Variants in KCNQ1OT1 observed in about 807,000 individuals in gnomAD.
The protein encoded by KCNQ1OT1 is KCNQ1 antisense RNA 2 (non-protein coding).
At position 2,658,923 on chromosome 11, in the gene KCNQ1OT1, A is replaced by G; in HGVS notation, n.41072T>C. 2 of 398,564 alleles carry G rather than the reference A, an allele frequency of 5.0e-6. No individual in the cohort carries two copies. The highest frequency in any genetic ancestry group is 4.4e-6 in the Non-Finnish European group (1 of 226,028). 24.7% of individuals were successfully genotyped at this position (398,564 alleles called of 1,614,324 possible). A position where few individuals can be genotyped will look rare whatever the true frequency, so the allele number is the denominator to read the frequency against. On this transcript the variant is annotated non_coding_transcript_exon_variant, in exon 1 of 1. Coordinates refer to ENST00000597346, the Ensembl canonical transcript of KCNQ1OT1. The surrounding 1 kb of genome is among the most constrained non-coding windows in gnomAD (Gnocchi z 4.9). ...GTAGTACCCTATGTGAAGCAAATTT[A>G]CCTACTAGATTAGAGTGTTTAGGAC... is the stretch of plus-strand genomic sequence containing the variant.
chr11:2,618,590 T>C (rs1849110131), exon 1 of KCNQ1OT1: 1 of 398,500 alleles, frequency 2.5e-6, no homozygotes, highest in South Asian at 1.3e-4. Context: ...ACCATACTGT[T>C]TGATCAATAG....
exon 1 of KCNQ1OT1, chr11:2,692,762 T>C (rs1288519733): frequency 8.3e-5 from 33 of 398,568 alleles, no homozygotes. Context: ...GGCCAGGGTC[T>C]AGTACCTGCT....
exon 1 of KCNQ1OT1, chr11:2,662,831 G>T: frequency 2.5e-6 from 1 of 398,854 alleles, no homozygotes. Context: ...CCTTCTGAGG[G>T]TCACTTGTGG....
exon 1 of KCNQ1OT1, chr11:2,655,025 C>T (rs1273045991): frequency 1.8e-5 from 7 of 398,476 alleles, no homozygotes; most frequent in South Asian, 1.3e-4. Context: ...TGAAAATCAC[C>T]CAAAGACAAA....
rs932633219 is a variant in KCNQ1OT1, at chr11:2,664,474, T to C, written n.35521A>G. ...GATACAGGCTGGGTAGAGGCCCCACTCCATCTGGGGGAGAAGGCTGGCAGC... is the reference window on the plus strand; with the variant it reads ...GATACAGGCTGGGTAGAGGCCCCACCCCATCTGGGGGAGAAGGCTGGCAGC... On this transcript the variant is annotated non_coding_transcript_exon_variant, in exon 1 of 1. Coordinates refer to ENST00000597346, the Ensembl canonical transcript of KCNQ1OT1. This position sits in a 1 kb window ranked among gnomAD's most constrained non-coding sequence, Gnocchi z 5.1. The C allele has an allele frequency of 5.0e-6, 2 of 398,540 alleles. No individual in the cohort carries two copies. The highest frequency in any genetic ancestry group is 8.8e-6 in the Non-Finnish European group (2 of 226,134). The allele number at this position is 398,540 out of a possible 1,614,324, so 24.7% of individuals were successfully genotyped here.
chr11:2,699,758 G>A (rs141406503), exon 1 of KCNQ1OT1: 37 of 358,844 alleles, frequency 1.0e-4, no homozygotes, highest in Non-Finnish European at 1.4e-4. Flanking sequence ...CCAGAAGAGC[G>A]CCGCGCTGAG....
Position 2,677,304 on chromosome 11 carries a change from A to G in KCNQ1OT1, n.22691T>C, listed in dbSNP as rs1046874778. The G allele has an allele frequency of 4.3e-5, 17 of 398,642 alleles. No individual in the cohort carries two copies. In the East Asian group the frequency reaches 6.1e-4, roughly 14 times the overall value. The allele number at this position is 398,642 out of a possible 1,614,324, so 24.7% of individuals were successfully genotyped here. On this transcript the variant is annotated non_coding_transcript_exon_variant, in exon 1 of 1. Coordinates refer to ENST00000597346, the Ensembl canonical transcript of KCNQ1OT1. This position sits in a 1 kb window ranked among gnomAD's most constrained non-coding sequence, Gnocchi z 4.5. Reference sequence around the variant, plus strand: ...CTTGTCAAAATAGGAGATTTCATCAAGTTAAAGAAAATGATGTCAAATGAT... The same window carrying G: ...CTTGTCAAAATAGGAGATTTCATCAGGTTAAAGAAAATGATGTCAAATGAT...
exon 1 of KCNQ1OT1, chr11:2,614,748 T>G: frequency 2.5e-6 from 1 of 398,480 alleles, no homozygotes. Context: ...CATCCTTGTG[T>G]CCTAGAGACC....
Position 2,627,331 on chromosome 11 carries a change from A to G in KCNQ1OT1, n.72664T>C. On this transcript the variant is annotated non_coding_transcript_exon_variant, in exon 1 of 1. Transcript: ENST00000597346. This position sits in a 1 kb window ranked among gnomAD's most constrained non-coding sequence, Gnocchi z 4.9. Reference sequence around the variant, plus strand: ...GTGCGTGTGTGTGGTCAGAATACCTAAGCTATACTCTCTTAGCAAATTCCA... The same window carrying G: ...GTGCGTGTGTGTGGTCAGAATACCTGAGCTATACTCTCTTAGCAAATTCCA... 1 of 398,538 alleles carries G rather than the reference A, an allele frequency of 2.5e-6. No homozygotes were observed. The highest frequency in any genetic ancestry group is 4.4e-6 in the Non-Finnish European group (1 of 226,046). 24.7% of individuals were successfully genotyped at this position (398,538 alleles called of 1,614,324 possible). A position where few individuals can be genotyped will look rare whatever the true frequency, so the allele number is the denominator to read the frequency against.
chr11:2,696,309 A>T (rs1850675386), exon 1 of KCNQ1OT1: 5 of 398,582 alleles, frequency 1.3e-5, no homozygotes, highest in African/African-American at 2.1e-5. Flanking sequence ...AGGAATCCAT[A>T]TTCCTATTCC....
exon 1 of KCNQ1OT1, chr11:2,655,062 A>G (rs1041741700): frequency 1.0e-5 from 4 of 398,540 alleles, no homozygotes; most frequent in African/African-American, 8.2e-5. Flanking sequence ...GTTTCCTTCT[A>G]GTCTTTTTTC....
exon 1 of KCNQ1OT1, chr11:2,665,756 G>A (rs1206601497): frequency 1.3e-5 from 5 of 398,434 alleles, no homozygotes; most frequent in Non-Finnish European, 2.2e-5. Context: ...CAGGCATGGA[G>A]AAGCCCTAGG....
rs1316923739 is a variant in KCNQ1OT1, at chr11:2,608,797, T to C, written n.91198A>G. ...AGCCACTGCAGCTAGCCTCGTTTTT[T>C]TGCTTTAATTTGTAAAACTGTCATT... On this transcript the variant is annotated non_coding_transcript_exon_variant, in exon 1 of 1. Transcript: ENST00000597346. The surrounding 1 kb of genome is among the most constrained non-coding windows in gnomAD (Gnocchi z 4.6). 2.5e-6 allele frequency: 1 copy of C among 398,522 alleles called. No homozygotes were observed. The highest frequency in any genetic ancestry group is 4.4e-6 in the Non-Finnish European group (1 of 226,092). 24.7% of individuals were successfully genotyped at this position (398,522 alleles called of 1,614,324 possible). A position where few individuals can be genotyped will look rare whatever the true frequency, so the allele number is the denominator to read the frequency against.
rs1174956711 is a variant in KCNQ1OT1 at position 2,621,618 on chromosome 11, T to G, written n.78377A>C. 7.5e-6 allele frequency: 3 copies of G among 398,480 alleles called. No individual in the cohort carries two copies. 24.7% of individuals were successfully genotyped at this position (398,480 alleles called of 1,614,324 possible). On this transcript the variant is annotated non_coding_transcript_exon_variant, in exon 1 of 1. Transcript: ENST00000597346. This position sits in a 1 kb window ranked among gnomAD's most constrained non-coding sequence, Gnocchi z 5.7. ...TCCTGATTTAATCTTAGCAGGTTGG[T>G]TTTTTTCTAGGAATTTGTCCATTTC... is the stretch of plus-strand genomic sequence containing the variant.
exon 1 of KCNQ1OT1, chr11:2,680,889 G>C (rs1247204969): frequency 5.0e-6 from 2 of 398,490 alleles, no homozygotes; most frequent in Non-Finnish European, 8.8e-6. Context: ...GTTATTGTGT[G>C]TATCCTTGCA....
Position 2,670,122 on chromosome 11 carries a change from G to A in KCNQ1OT1, n.29873C>T, listed in dbSNP as rs562192573. ...TCTCATGGCAGTCACAGGTGCCCCA[G>A]TATGCATCTGTCATTTGTTCTTATC... On this transcript the variant is annotated non_coding_transcript_exon_variant, in exon 1 of 1. Transcript: ENST00000597346. This position sits in a 1 kb window ranked among gnomAD's most constrained non-coding sequence, Gnocchi z 4.9. The A allele has an allele frequency of 5.0e-6, 2 of 398,782 alleles. No homozygotes were observed. Among genetic ancestry groups the A allele is most frequent in the South Asian group, 1.3e-4 (1 of 7,862 alleles). The allele number at this position is 398,782 out of a possible 1,614,324, so 24.7% of individuals were successfully genotyped here. A position where few individuals can be genotyped will look rare whatever the true frequency, so the allele number is the denominator to read the frequency against.
rs1052069702 is a variant in KCNQ1OT1 at position 2,608,771 on chromosome 11, G to A, written n.91224C>T. ...CCCAAAGTGCTGGGATTACAGGTGTGAGCCACTGCAGCTAGCCTCGTTTTT... is the reference window on the plus strand; with the variant it reads ...CCCAAAGTGCTGGGATTACAGGTGTAAGCCACTGCAGCTAGCCTCGTTTTT... On this transcript the variant is annotated non_coding_transcript_exon_variant, in exon 1 of 1. Transcript: ENST00000597346. This position sits in a 1 kb window ranked among gnomAD's most constrained non-coding sequence, Gnocchi z 4.6. 7 of 398,518 alleles carry A rather than the reference G, an allele frequency of 1.8e-5. No homozygotes were observed. The highest frequency in any genetic ancestry group is 4.4e-5 in the Admixed American group (1 of 22,714). The allele number at this position is 398,518 out of a possible 1,614,324, so 24.7% of individuals were successfully genotyped here.
chr11:2,661,584 T>G lies in KCNQ1OT1; in HGVS notation n.38411A>C, dbSNP rs1475757637. ...TGTGACAATGTATGGTGGTGGGAGC[T>G]GTTGTCCCTTACCAGGCCTGTGCCT... On this transcript the variant is annotated non_coding_transcript_exon_variant, in exon 1 of 1. Coordinates refer to ENST00000597346, the Ensembl canonical transcript of KCNQ1OT1. The surrounding 1 kb of genome is among the most constrained non-coding windows in gnomAD (Gnocchi z 5.9). 1.1e-5 allele frequency: 6 copies of G among 562,674 alleles called. No homozygotes were observed. Among genetic ancestry groups the G allele is most frequent in the Non-Finnish European group, 1.9e-5 (6 of 316,670 alleles). The allele number at this position is 562,674 out of a possible 1,614,324, so 34.9% of individuals were successfully genotyped here. A position where few individuals can be genotyped will look rare whatever the true frequency, so the allele number is the denominator to read the frequency against.
rs547976864 is a variant in KCNQ1OT1, at chr11:2,664,371, G to C, written n.35624C>G. 2.7e-4 allele frequency: 109 copies of C among 398,874 alleles called. No homozygotes were observed. Among genetic ancestry groups the C allele is most frequent in the Non-Finnish European group, 2.3e-4 (52 of 226,270 alleles). The allele number at this position is 398,874 out of a possible 1,614,324, so 24.7% of individuals were successfully genotyped here. On this transcript the variant is annotated non_coding_transcript_exon_variant, in exon 1 of 1. Coordinates refer to ENST00000597346, the Ensembl canonical transcript of KCNQ1OT1. This position sits in a 1 kb window ranked among gnomAD's most constrained non-coding sequence, Gnocchi z 5.1. ...GGTTCCTGCATCCTCAGAAGTCAGG[G>C]TACGGTCCCTCCAGAGAGGCCTGAA...
Sources: gnomAD v4.1 joint callset for allele counts on GRCh38, gnomAD v4.1.1 for gene constraint, Gnocchi (gnomAD v3.1) non-coding constraint, MANE v1.5 for transcripts, NCBI Gene and HGNC (gene_info 2026-07-23, HGNC 2026-07-21) for gene names.